The following TRIM2 variants were observed in gnomAD, a reference collection of about 807,000 sequenced individuals.
TRIM2 encodes the protein tripartite motif-containing protein 2.
Under a neutral mutation model 75.2 loss-of-function variants are expected in TRIM2, and 20 were observed. That is an observed-to-expected ratio of 0.27 (90% CI 0.19 to 0.39). The LOEUF is 0.39. TRIM2 is among the 10% of genes least tolerant of loss of function. The pLI, the probability that TRIM2 is intolerant of heterozygous loss-of-function variation, is 1.00. For synonymous variants in TRIM2, 373 were observed against 388.3 expected (o/e 0.96, Z 0.46); for missense variants, 660 against 990.8 (o/e 0.67, Z 4.48).
chr4:153,205,427 T>G (rs761452015), intron 1 of TRIM2, among the ~76,000 whole-genome samples: 1 of 152,142 alleles, frequency 6.6e-6, no homozygotes, highest in African/African-American at 2.4e-5. Context: ...AGGAAAGGGT[T>G]GTGCTGTCAT....
intron 1 of TRIM2, among the ~76,000 whole-genome samples, chr4:153,235,292 T>TG (rs1332841554): frequency 6.6e-6 from 1 of 151,842 alleles, no homozygotes; most frequent in Non-Finnish European, 1.5e-5. Flanking sequence ...AAGATAATTT[T>TG]TTTTTTTTTT....
intron 1 of TRIM2, among the ~76,000 whole-genome samples, chr4:153,181,397 T>C (rs1732045006): frequency 6.6e-6 from 1 of 152,070 alleles, no homozygotes; most frequent in Non-Finnish European, 1.5e-5. Flanking sequence ...ATGGTTCCAA[T>C]AAACAAGGCA....
chr4:153,284,030 C>T lies in TRIM2; in HGVS notation c.453+7900C>T, dbSNP rs575473118. ...GATTACAGGTGCATGTCACCATGCC[C>T]AGCTAATTTTTGTATTTTTTTTTTT... On this transcript the variant is annotated intron_variant, in intron 3 of 11. Coordinates refer to ENST00000338700, the MANE Select transcript of TRIM2 (RefSeq NM_015271.5). Among the ~76,000 whole-genome samples the T allele has an allele frequency of 1.0e-4, 15 of 150,082 alleles. No homozygotes were observed. In the East Asian group the frequency reaches 3.0e-3, roughly 30 times the overall value.
At chr4:153,201,832 G>A (rs761930019), upstream of TRIM2, among the ~76,000 whole-genome samples, 6 of 152,104 alleles carry the variant, frequency 3.9e-5, no homozygotes, top group Non-Finnish European at 5.9e-5. Context: ...GCTATGTCAC[G>A]GGCGTGTCCT....
chr4:153,218,152 T>C (rs1448025264), intron 1 of TRIM2, among the ~76,000 whole-genome samples: 1 of 152,224 alleles, frequency 6.6e-6, no homozygotes, highest in Admixed American at 6.5e-5. Context: ...CCTATTCAAT[T>C]GTAAATATTT....
chr4:153,305,785 C>A (rs1388297074), intron 6 of TRIM2, among the ~76,000 whole-genome samples: 1 of 152,224 alleles, frequency 6.6e-6, no homozygotes, highest in Non-Finnish European at 1.5e-5. Context: ...CACCTCTCAA[C>A]ACTACCACTT....
At chr4:153,245,629 G>C (rs997211146) in intron 1 of TRIM2, among the ~76,000 whole-genome samples, 13 of 152,220 alleles carry the variant, frequency 8.5e-5, no homozygotes, top group African/African-American at 3.1e-4. Context: ...TAATTTTATT[G>C]AACACAGTTA....
At chr4:153,258,122 TCG>T (rs981292815) in intron 1 of TRIM2, among the ~76,000 whole-genome samples, 5 of 152,148 alleles carry the variant, frequency 3.3e-5, no homozygotes, top group Admixed American at 6.6e-5. Context: ...GATTCCTTCC[TCG>T]CTGCCCCAGG....
chr4:153,196,055 C>A (rs1733730401), intron 1 of TRIM2, among the ~76,000 whole-genome samples: 1 of 152,214 alleles, frequency 6.6e-6, no homozygotes, highest in South Asian at 2.1e-4. Context: ...AGTGATACAC[C>A]TGTCTCAGCC....
rs552380629 is a variant in TRIM2 at position 153,279,967 on chromosome 4, G to T, written c.453+3837G>T. Among the ~76,000 whole-genome samples, 9 of 151,800 alleles carry T rather than the reference G, an allele frequency of 5.9e-5. No homozygotes were observed. The East Asian group carries it at 1.5e-3, about 26-fold the overall frequency. On this transcript the variant is annotated intron_variant, in intron 3 of 11. Transcript: ENST00000338700. The stretch of plus-strand genomic sequence containing the variant: ...CAAAAAAAAAAAAAAAAAGCAGGGG[G>T]GGATAGTGGAGCAAGAGGATTGCTT...
chr4:153,254,817 G>A (rs72727891), intron 1 of TRIM2, among the ~76,000 whole-genome samples: 12,561 of 152,256 alleles, frequency 0.082, 710 homozygotes, highest in Middle Eastern at 0.13. Context: ...TGTGGTGAGG[G>A]TGTTTGAAAC....
rs141671228 is a variant in TRIM2 at position 153,313,048 on chromosome 4, A to G, written c.1511-2437A>G. Among the ~76,000 whole-genome samples the G allele has an allele frequency of 6.6e-3, 1,009 of 152,258 alleles. 16 individuals are homozygous for G. The highest frequency in any genetic ancestry group is 0.023 in the African/African-American group (952 of 41,498). ...ACGTTAGACAAACAGATGTTCCTCC[A>G]ACCTTGTGATTTAACTTACATGTGG... On this transcript the variant is annotated intron_variant, in intron 6 of 11. Transcript: ENST00000338700.
intron 8 of TRIM2, among the ~76,000 whole-genome samples, chr4:153,316,873 CTTT>C (rs11397245): frequency 3.2e-5 from 2 of 61,574 alleles, no homozygotes; most frequent in African/African-American, 1.6e-4. Flanking sequence ...TGCATTATGC[CTTT>C]TTTTTTTTTT....
At position 153,198,453 on chromosome 4, in the gene TRIM2, T is replaced by C. The variant is rs572792524; in HGVS notation, c.-49+45183T>C. Among the ~76,000 whole-genome samples, 3 of 152,330 alleles carry C rather than the reference T, an allele frequency of 2.0e-5. No homozygotes were observed. The South Asian group carries it at 6.2e-4, about 32-fold the overall frequency. On this transcript the variant is annotated intron_variant, in intron 1 of 11. Transcript: ENST00000437508. ...TGCTGCCACCATGTAAGATATGCCC[T>C]TCACCCTCCACCATGATTACGAGAC...
chr4:153,244,477 TC>T (rs1560876175), intron 1 of TRIM2, among the ~76,000 whole-genome samples: 1 of 146,996 alleles, frequency 6.8e-6, no homozygotes, highest in Non-Finnish European at 1.5e-5. Context: ...CCCGAGCTGA[TC>T]TTGAACTCCT....
At chr4:153,296,234 C>T (rs1374544399) in intron 6 of TRIM2, among the ~76,000 whole-genome samples, 198 bp downstream of exon 6, 3 of 152,018 alleles carry the variant, frequency 2.0e-5, no homozygotes, top group South Asian at 2.1e-4. Context: ...CCTTCTCCTC[C>T]GCCTCTAGTC....
chr4:153,267,575 C>T (rs1234302067), intron 1 of TRIM2, among the ~76,000 whole-genome samples: 1 of 151,982 alleles, frequency 6.6e-6, no homozygotes, highest in Non-Finnish European at 1.5e-5. Flanking sequence ...GTTGTGAATC[C>T]GGGAGGCGGA....
chr4:153,186,497 G>T (rs1482644252), intron 1 of TRIM2, among the ~76,000 whole-genome samples: 1 of 152,194 alleles, frequency 6.6e-6, no homozygotes. Flanking sequence ...CTCTTAAGGA[G>T]CTGTACAAGG....
rs1464767743 is a variant in TRIM2, at chr4:153,170,660, C to T, written c.-49+17390C>T. 2.0e-5 allele frequency among the ~76,000 whole-genome samples: 3 copies of T among 152,104 alleles called. No homozygotes were observed. The East Asian group carries it at 5.8e-4, about 29-fold the overall frequency. ...GCTTTTACTCCTCTTGGGAAATTTG[C>T]TGGGGATGAGGTGAGCCTGGGAAAC... On this transcript the variant is annotated intron_variant, in intron 1 of 11. Transcript: ENST00000437508.
Sources: allele counts gnomAD v4.1 joint callset (sites outside exome capture counted in the v4.1 genomes callset), GRCh38; gene constraint gnomAD v4.1.1; transcripts MANE v1.5; gene names NCBI Gene and HGNC (gene_info 2026-07-23, HGNC 2026-07-21).